The following TNFSF4 variants were observed in gnomAD, a reference collection of about 807,000 sequenced individuals.
TNFSF4 encodes TNF superfamily member 4.
Under a neutral mutation model 7.3 loss-of-function variants are expected in TNFSF4, and 4 were observed. The observed-to-expected ratio is 0.55, with a 90% CI of 0.27 to 1.25. The LOEUF is 1.25. Ranked by LOEUF, TNFSF4 falls within the 50% of genes most tolerant of loss-of-function variation. TNFSF4 has a pLI of 0.12. For missense variants in TNFSF4, 181 were observed against 208.8 expected (o/e 0.87, Z 0.82); for synonymous variants, 76 against 83.7 (o/e 0.91, Z 0.50).
chr1:173,207,862 T>G (rs1469921480), upstream of TNFSF4, among the ~76,000 whole-genome samples: 1 of 152,210 alleles, frequency 6.6e-6, no homozygotes, highest in African/African-American at 2.4e-5. Context: ...TTGGAAGCAT[T>G]TACTATGTGT....
the TNFSF4 span, among the ~76,000 whole-genome samples, chr1:173,397,940 GC>G: frequency 2.0e-5 from 3 of 152,154 alleles, no homozygotes; most frequent in East Asian, 5.8e-4. Flanking sequence ...ATTATCATAA[GC>G]TTAACTAGGT....
the TNFSF4 span, among the ~76,000 whole-genome samples, chr1:173,218,474 A>G: frequency 6.6e-5 from 10 of 152,230 alleles, no homozygotes; most frequent in African/African-American, 1.9e-4. Flanking sequence ...CTCAGTGCCC[A>G]TCAATGAAAA....
chr1:173,281,178 C>T, the TNFSF4 span, among the ~76,000 whole-genome samples: 1 of 151,452 alleles, frequency 6.6e-6, no homozygotes, highest in East Asian at 1.9e-4. Context: ...ACACAAAGTT[C>T]GTTGGCACAT....
chr1:173,373,524 A>G, the TNFSF4 span, among the ~76,000 whole-genome samples: 1 of 152,132 alleles, frequency 6.6e-6, no homozygotes, highest in East Asian at 1.9e-4. Flanking sequence ...AATACTTAAG[A>G]CCCTCCACCA....
At chr1:173,264,195 G>A in the TNFSF4 span, among the ~76,000 whole-genome samples, 1 of 151,950 alleles carries the variant, frequency 6.6e-6, no homozygotes, top group South Asian at 2.1e-4. Flanking sequence ...CCAGGCTGAA[G>A]TACAATGGCA....
the TNFSF4 span, among the ~76,000 whole-genome samples, chr1:173,409,590 A>T: frequency 3.9e-5 from 6 of 152,218 alleles, no homozygotes; most frequent in African/African-American, 7.2e-5. Flanking sequence ...AATTAAATTG[A>T]AAGTCATCAA....
the TNFSF4 span, among the ~76,000 whole-genome samples, chr1:173,359,474 AAAAG>A: frequency 8.7e-5 from 7 of 80,810 alleles, no homozygotes; most frequent in African/African-American, 2.6e-4. Flanking sequence ...AAGAAAAGAA[AAAAG>A]AAAAATTCAA....
chr1:173,390,166 TAGTTATACTAC>T, the TNFSF4 span, among the ~76,000 whole-genome samples: 1 of 152,156 alleles, frequency 6.6e-6, no homozygotes, highest in South Asian at 2.1e-4. Flanking sequence ...ACTAGTACTA[TAGTTATACTAC>T]AGTACTAGTA....
chr1:173,378,274 C>A, the TNFSF4 span, among the ~76,000 whole-genome samples: 3 of 151,128 alleles, frequency 2.0e-5, no homozygotes, highest in East Asian at 5.8e-4. Context: ...CTATTCTGAT[C>A]AGCAGGGTCC....
chr1:173,190,084 C>T (rs1176407941), intron 1 of TNFSF4, among the ~76,000 whole-genome samples: 1 of 151,390 alleles, frequency 6.6e-6, no homozygotes, highest in Non-Finnish European at 1.5e-5. Flanking sequence ...GGCATGGTGG[C>T]ACATGCCTGT....
the TNFSF4 span, among the ~76,000 whole-genome samples, chr1:173,337,777 G>A: frequency 5.3e-5 from 8 of 152,114 alleles, no homozygotes; most frequent in African/African-American, 9.7e-5. Context: ...TTTGGCTGAC[G>A]GTCAGGAACT....
chr1:173,357,148 C>T, the TNFSF4 span, among the ~76,000 whole-genome samples: 23 of 152,094 alleles, frequency 1.5e-4, no homozygotes, highest in Admixed American at 5.2e-4. Context: ...TTTGGGCATT[C>T]GATGATCCAT....
chr1:173,430,917 C>G, the TNFSF4 span, among the ~76,000 whole-genome samples: 1 of 152,176 alleles, frequency 6.6e-6, no homozygotes, highest in African/African-American at 2.4e-5. Flanking sequence ...AAAACCCAGG[C>G]CTGTGAGAAA....
the TNFSF4 span, among the ~76,000 whole-genome samples, chr1:173,240,051 G>A: frequency 6.6e-6 from 1 of 152,022 alleles, no homozygotes; most frequent in African/African-American, 2.4e-5. Context: ...AAGAAAAAAA[G>A]AGAATGGGCT....
At chr1:173,436,259 G>A in the TNFSF4 span, among the ~76,000 whole-genome samples, 1 of 152,168 alleles carries the variant, frequency 6.6e-6, no homozygotes, top group Non-Finnish European at 1.5e-5. Flanking sequence ...AATAAAGGGT[G>A]CATTACTAAG....
chr1:173,302,671 T>TA, the TNFSF4 span, among the ~76,000 whole-genome samples: 1 of 151,736 alleles, frequency 6.6e-6, no homozygotes, highest in African/African-American at 2.4e-5. Context: ...GCAAGATATC[T>TA]AAAAAAAGAT....
At chr1:173,214,849 A>T in the TNFSF4 span, among the ~76,000 whole-genome samples, 1 of 152,178 alleles carries the variant, frequency 6.6e-6, no homozygotes, top group Non-Finnish European at 1.5e-5. Flanking sequence ...ACACATCTTT[A>T]ACACAAGGAA....
chr1:173,445,280 T>C, the TNFSF4 span, among the ~76,000 whole-genome samples: 1 of 152,150 alleles, frequency 6.6e-6, no homozygotes, highest in Non-Finnish European at 1.5e-5. Flanking sequence ...TTGCACAGGA[T>C]TAAGTTTCTC....
chr1:173,383,524 GATTACCTC>G, the TNFSF4 span, among the ~76,000 whole-genome samples: 1 of 152,206 alleles, frequency 6.6e-6, no homozygotes, highest in African/African-American at 2.4e-5. Flanking sequence ...ACATATTGAA[GATTACCTC>G]ATTTCCTTTT....
Sources: gnomAD v4.1 joint callset for allele counts (sites outside exome capture counted in the v4.1 genomes callset) on GRCh38, gnomAD v4.1.1 for gene constraint, MANE v1.5 for transcripts, NCBI Gene and HGNC (gene_info 2026-07-23, HGNC 2026-07-21) for gene names.